Variants in PEAK1 observed in about 807,000 individuals in gnomAD.
The protein encoded by PEAK1 is inactive tyrosine-protein kinase PEAK1.
PEAK1 carries 54 observed loss-of-function variants against 124.7 expected under a neutral mutation model. The observed-to-expected ratio is 0.43, with a 90% CI of 0.35 to 0.54. The LOEUF is 0.54. PEAK1 is among the 20% of genes least tolerant of loss of function. The pLI, the probability that PEAK1 is intolerant of heterozygous loss-of-function variation, is 0.01. For synonymous variants in PEAK1, 719 were observed against 760.0 expected (o/e 0.95, Z 0.89); for missense variants, 2,046 against 2,134.5 (o/e 0.96, Z 0.82).
At chr15:77,415,434 G>A (rs909125591) in intron 1 of PEAK1, among the ~76,000 whole-genome samples, 8 of 152,088 alleles carry the variant, frequency 5.3e-5, no homozygotes, top group Non-Finnish European at 1.0e-4. Flanking sequence ...GTTTGTGTGT[G>A]TGTTTTTTAA....
At chr15:77,278,434 C>T (rs999092265) in intron 5 of PEAK1, 15 of 413,284 alleles carry the variant, frequency 3.6e-5, no homozygotes, top group Middle Eastern at 4.0e-4. Flanking sequence ...GCCCACATAA[C>T]GCACCTATGT....
At chr15:77,335,087 T>C in intron 2 of PEAK1, 2 of 985,464 alleles carry the variant, frequency 2.0e-6, no homozygotes, top group South Asian at 4.7e-5. Flanking sequence ...AAGCAAACTC[T>C]AGATCTATAA....
intron 1 of PEAK1, among the ~76,000 whole-genome samples, chr15:77,395,881 C>G (rs1159231031): frequency 1.3e-5 from 2 of 151,982 alleles, no homozygotes; most frequent in South Asian, 4.2e-4. Context: ...TCTAAAGGTA[C>G]AAAACTCACT....
At chr15:77,380,888 A>C (rs1391805006) in intron 1 of PEAK1, among the ~76,000 whole-genome samples, 1 of 152,184 alleles carries the variant, frequency 6.6e-6, no homozygotes, top group Non-Finnish European at 1.5e-5. Context: ...CATCAACCCA[A>C]AACTATCTAC....
At chr15:77,336,608 C>G in intron 2 of PEAK1, 1 of 911,770 alleles carries the variant, frequency 1.1e-6, no homozygotes, top group South Asian at 5.1e-5. Context: ...ACAGAGCAAT[C>G]TGGCAATACC....
intron 8 of PEAK1, among the ~76,000 whole-genome samples, chr15:77,137,209 G>C (rs2053409401): frequency 6.6e-6 from 1 of 152,242 alleles, no homozygotes; most frequent in Admixed American, 6.5e-5. Context: ...CCCTCATGGA[G>C]AACCTCTGCT....
At position 77,182,674 on chromosome 15, in the gene PEAK1, C is replaced by T. The variant is rs149956940; in HGVS notation, c.-114-634G>A. On this transcript the variant is annotated intron_variant, in intron 6 of 9. Transcript: ENST00000682557. ...AGCTGAGGCAGGAGGATTGTTTGAG[C>T]CTGGGAGGTGGAGGTTGCAGTGAGC... Among the ~76,000 whole-genome samples, 542 of 140,248 alleles carry T rather than the reference C, an allele frequency of 3.9e-3. 1 individual carries two copies. The highest frequency in any genetic ancestry group is 6.0e-3 in the Non-Finnish European group (397 of 65,768). 92.0% of individuals were successfully genotyped at this position (140,248 alleles called of 152,430 possible).
intron 5 of PEAK1, among the ~76,000 whole-genome samples, chr15:77,273,783 A>G (rs1383552967): frequency 6.6e-6 from 1 of 152,146 alleles, no homozygotes; most frequent in African/African-American, 2.4e-5. Context: ...AAAAATCCTA[A>G]AATTCACATG....
At chr15:77,403,009 T>A in intron 1 of PEAK1, 9 of 985,364 alleles carry the variant, frequency 9.1e-6, no homozygotes, top group Non-Finnish European at 1.1e-5. Flanking sequence ...GATTTTGTTA[T>A]ACTTCCACTC....
At chr15:77,182,749 CAA>C (rs71143395) in intron 6 of PEAK1, among the ~76,000 whole-genome samples, 5 of 65,132 alleles carry the variant, frequency 7.7e-5, no homozygotes, top group Admixed American at 2.2e-4. Context: ...GACCTTGTCT[CAA>C]AAAAAAAAAA....
intron 2 of PEAK1, among the ~76,000 whole-genome samples, chr15:77,326,251 T>C (rs1289781362): frequency 6.6e-6 from 1 of 152,162 alleles, no homozygotes; most frequent in East Asian, 1.9e-4. Flanking sequence ...TAGGGTCTAT[T>C]AACTTTGATA....
At chr15:77,321,107 C>T (rs563693511) in intron 2 of PEAK1, among the ~76,000 whole-genome samples, 1 of 152,238 alleles carries the variant, frequency 6.6e-6, no homozygotes, top group South Asian at 2.1e-4. Flanking sequence ...GTGAACAGTG[C>T]CACAATAAAC....
chr15:77,173,277 A>G (rs2056633612), intron 7 of PEAK1, among the ~76,000 whole-genome samples: 1 of 152,202 alleles, frequency 6.6e-6, no homozygotes, highest in African/African-American at 2.4e-5. Context: ...CCTTACATGG[A>G]CCATACTTTA....
At chr15:77,284,683 C>G (rs2062831649) in intron 4 of PEAK1, among the ~76,000 whole-genome samples, 1 of 152,126 alleles carries the variant, frequency 6.6e-6, no homozygotes, top group Non-Finnish European at 1.5e-5. Context: ...ATTAAGAATG[C>G]TTACAAATGA....
Position 77,180,045 on chromosome 15 carries a change from T to C in PEAK1, c.1882A>G (p.Ile628Val), listed in dbSNP as rs775659721. Residue 628 changes from isoleucine (I) to valine (V), a missense_variant, in exon 7 of 10, where the codon ATT (isoleucine) becomes GTT (valine). By Grantham distance (29) the Ile-to-Val change is conservative (BLOSUM62 3). Coordinates refer to ENST00000682557, the MANE Select transcript of PEAK1 (RefSeq NM_001385026.1). ...TCATATGCATTTGGATTGATAACAA[T>C]GGGAACTTTGATAGCATTTTTGGAA... ...RSSKNAIKVP[I>V]VINPNAYDNL... 1.6e-5 allele frequency: 26 copies of C among 1,614,016 alleles called. No homozygotes were observed. The highest frequency in any genetic ancestry group is 3.3e-4 in the Middle Eastern group (2 of 6,060).
chr15:77,174,851 A>C (rs1010713607), intron 7 of PEAK1, among the ~76,000 whole-genome samples: 1 of 152,140 alleles, frequency 6.6e-6, no homozygotes, highest in African/African-American at 2.4e-5. Context: ...ACTTCAAACT[A>C]TACAACAAGG....
chr15:77,398,789 A>C (rs878897112), intron 1 of PEAK1, among the ~76,000 whole-genome samples: 2 of 152,188 alleles, frequency 1.3e-5, no homozygotes, highest in African/African-American at 4.8e-5. Context: ...GAAAGAAATA[A>C]AGAATATCCA....
At chr15:77,319,700 ACT>A (rs1228561562) in intron 2 of PEAK1, among the ~76,000 whole-genome samples, 1 of 152,166 alleles carries the variant, frequency 6.6e-6, no homozygotes, top group East Asian at 1.9e-4. Flanking sequence ...AATGTGGACC[ACT>A]GTTTTCTAAT....
intron 1 of PEAK1, chr15:77,403,243 T>G: frequency 2.0e-6 from 2 of 985,426 alleles, no homozygotes; most frequent in Non-Finnish European, 2.4e-6. Context: ...CAGTCAAGTC[T>G]ATCTCCCAAT....
Sources: gnomAD v4.1 joint callset for allele counts (sites outside exome capture counted in the v4.1 genomes callset) on GRCh38, gnomAD v4.1.1 for gene constraint, MANE v1.5 for transcripts, NCBI Gene and HGNC (gene_info 2026-07-23, HGNC 2026-07-21) for gene names.